ACOT1: variants seen among roughly 807,000 people sequenced by gnomAD.
ACOT1 encodes the protein acyl-CoA thioesterase 1.
Under a neutral mutation model 15.7 loss-of-function variants are expected in ACOT1, and 8 were observed. The ratio of observed to expected loss-of-function variants is 0.51; its 90% confidence interval spans 0.30 to 0.92. The LOEUF (loss-of-function observed/expected upper bound fraction) is 0.92. Ranked by LOEUF, ACOT1 falls within the 40% of genes least tolerant of loss-of-function variation. The pLI, the probability that ACOT1 is intolerant of heterozygous loss-of-function variation, is 0.06. For missense variants in ACOT1, 151 were observed against 539.4 expected, an observed-to-expected ratio of 0.28 and a Z score of 7.13; for synonymous variants, 67 against 241.2, an observed-to-expected ratio of 0.28 and a Z score of 6.69.
chr14:73,524,306 AAAAAATAT>A, the ACOT1 span, among the ~76,000 whole-genome samples: 3 of 91,010 alleles, frequency 3.3e-5, no homozygotes, highest in African/African-American at 5.7e-5. Context: ...AAAAAAAAAA[AAAAAATAT>A]ATATATATAT....
At chr14:73,506,468 A>G in the ACOT1 span, 1 of 1,612,458 alleles carries the variant, frequency 6.2e-7, no homozygotes, top group South Asian at 1.1e-5. Flanking sequence ...GAGGTTTACC[A>G]AGCAGACATT....
chr14:73,528,258 G>C, the ACOT1 span, among the ~76,000 whole-genome samples: 3 of 151,964 alleles, frequency 2.0e-5, no homozygotes. Context: ...TAGCGGGTGT[G>C]GTGGTGGGCA....
the ACOT1 span, among the ~76,000 whole-genome samples, chr14:73,503,924 TGCTA>T: frequency 6.6e-6 from 1 of 152,182 alleles, no homozygotes; most frequent in Non-Finnish European, 1.5e-5. Flanking sequence ...CCTCAACCCC[TGCTA>T]GCTCTGCATG....
chr14:73,532,847 T>C (rs180902421), upstream of ACOT1, among the ~76,000 whole-genome samples: 3,820 of 112,646 alleles, frequency 0.034, 888 homozygotes, highest in African/African-American at 0.11. Context: ...TCCCAGCTAC[T>C]TGGAGGCTGA....
At chr14:73,532,961 A>C (rs1322920465), upstream of ACOT1, among the ~76,000 whole-genome samples, 6 of 111,142 alleles carry the variant, frequency 5.4e-5, 2 homozygotes, top group Non-Finnish European at 9.7e-5. Flanking sequence ...TCTCAAAAAA[A>C]TAAATAAATA....
the ACOT1 span, chr14:73,506,621 A>G: frequency 2.9e-6 from 4 of 1,376,980 alleles, no homozygotes; most frequent in Non-Finnish European, 4.1e-6. Context: ...TTTTAGAGAT[A>G]CTAGAACCTT....
chr14:73,491,808 C>T, the ACOT1 span: 1 of 1,599,626 alleles, frequency 6.3e-7, no homozygotes, highest in Admixed American at 1.7e-5. Flanking sequence ...CATTTGGACG[C>T]CGCTCGCTAC....
chr14:73,517,903 A>G, the ACOT1 span, among the ~76,000 whole-genome samples: 1 of 152,046 alleles, frequency 6.6e-6, no homozygotes, highest in Admixed American at 6.6e-5. Flanking sequence ...CCTGGCCAAC[A>G]TGGTGAACCC....
At chr14:73,518,215 A>G in the ACOT1 span, among the ~76,000 whole-genome samples, 1 of 152,168 alleles carries the variant, frequency 6.6e-6, no homozygotes. Context: ...CTTCTTGCCA[A>G]GTGGATGCAA....
the ACOT1 span, chr14:73,495,233 A>G: frequency 6.2e-7 from 1 of 1,613,178 alleles, no homozygotes; most frequent in Non-Finnish European, 8.5e-7. Flanking sequence ...CCTACCCTGA[A>G]AAGTTTCTTG....
At chr14:73,509,871 TATTTATTTTA>T in the ACOT1 span, among the ~76,000 whole-genome samples, 3 of 89,188 alleles carry the variant, frequency 3.4e-5, no homozygotes, top group Admixed American at 1.2e-4. Flanking sequence ...TATATATATT[TATTTATTTTA>T]TATATTTTTT....
the ACOT1 span, among the ~76,000 whole-genome samples, chr14:73,504,244 A>ATTT: frequency 7.6e-6 from 1 of 131,300 alleles, no homozygotes. Context: ...AGCCTGGCTA[A>ATTT]TTTTTTTTTT....
the ACOT1 span, among the ~76,000 whole-genome samples, chr14:73,508,475 A>G: frequency 0.79 from 120,445 of 152,076 alleles, 48,191 homozygotes; most frequent in African/African-American, 0.91. Flanking sequence ...TTGGCTGGGC[A>G]CGGTGGCTAA....
At chr14:73,509,611 A>G in the ACOT1 span, 15 of 814,906 alleles carry the variant, frequency 1.8e-5, no homozygotes, top group Non-Finnish European at 2.7e-5. Flanking sequence ...ATTACAGTTT[A>G]GCTGAGCCCT....
the ACOT1 span, chr14:73,523,009 C>G: frequency 6.8e-6 from 11 of 1,614,002 alleles, no homozygotes; most frequent in African/African-American, 1.3e-5. Context: ...TGAAGAAGAC[C>G]ATAGGCACAC....
At chr14:73,522,439 G>C in the ACOT1 span, 5 of 1,614,122 alleles carry the variant, frequency 3.1e-6, no homozygotes, top group African/African-American at 2.7e-5. Context: ...CGTACTGCTG[G>C]CGCAGGAAGC....
the ACOT1 span, among the ~76,000 whole-genome samples, chr14:73,501,849 G>C: frequency 8.6e-5 from 13 of 151,394 alleles, no homozygotes; most frequent in Non-Finnish European, 1.6e-4. Context: ...CAACTCCCAG[G>C]TTCACGCCAT....
chr14:73,528,658 TTGAGTC>T, the ACOT1 span, among the ~76,000 whole-genome samples: 1 of 152,172 alleles, frequency 6.6e-6, no homozygotes, highest in African/African-American at 2.4e-5. Context: ...AATCTGAAAA[TTGAGTC>T]TGATACCTGT....
the ACOT1 span, among the ~76,000 whole-genome samples, chr14:73,516,265 A>G: frequency 1.8e-5 from 1 of 56,412 alleles, no homozygotes; most frequent in African/African-American, 1.6e-4. Context: ...GTGCTGGGGG[A>G]CTCAGCCACT....
Sources: gnomAD v4.1 joint callset for allele counts (sites outside exome capture counted in the v4.1 genomes callset) on GRCh38, gnomAD v4.1.1 for gene constraint, MANE v1.5 for transcripts, NCBI Gene and HGNC (gene_info 2026-07-23, HGNC 2026-07-21) for gene names.